The following PPP2R2B variants were observed in gnomAD, a reference collection of about 807,000 sequenced individuals.
PPP2R2B encodes serine/threonine-protein phosphatase 2A 55 kDa regulatory subunit B beta isoform.
A neutral mutation model predicts 46.0 loss-of-function variants in PPP2R2B; 5 were observed. That is an observed-to-expected ratio of 0.11 (90% CI 0.06 to 0.23). The LOEUF is 0.23. PPP2R2B is among the 10% of genes least tolerant of loss of function. PPP2R2B has a pLI of 1.00. For missense variants in PPP2R2B, 367 were observed against 575.0 expected (o/e 0.64, Z 3.70); for synonymous variants, 215 against 206.7 (o/e 1.04, Z -0.34).
intron 1 of PPP2R2B, among the ~76,000 whole-genome samples, chr5:146,996,437 T>C (rs976833024): frequency 1.6e-4 from 24 of 151,948 alleles, no homozygotes; most frequent in Non-Finnish European, 5.9e-5. Context: ...GAAATAGAAG[T>C]GGAAGAGCAA....
intron 1 of PPP2R2B, among the ~76,000 whole-genome samples, chr5:147,025,508 T>G (rs1486401784): frequency 6.6e-6 from 1 of 151,388 alleles, no homozygotes; most frequent in Non-Finnish European, 1.5e-5. Context: ...TAACCTTAAG[T>G]TAAGCAAAGA....
chr5:146,811,479 C>A (rs1251545306), intron 2 of PPP2R2B, among the ~76,000 whole-genome samples: 1 of 151,620 alleles, frequency 6.6e-6, no homozygotes, highest in Non-Finnish European at 1.5e-5. Context: ...GCACATTAAA[C>A]TTTATAGCAA....
intron 1 of PPP2R2B, among the ~76,000 whole-genome samples, chr5:146,928,129 G>A (rs1007009504): frequency 1.3e-5 from 2 of 152,154 alleles, no homozygotes; most frequent in Admixed American, 6.6e-5. Context: ...TTGGTTTCCT[G>A]AGGAACATGT....
intron 2 of PPP2R2B, among the ~76,000 whole-genome samples, chr5:146,825,400 T>C (rs1758517301): frequency 6.6e-6 from 1 of 152,220 alleles, no homozygotes; most frequent in Non-Finnish European, 1.5e-5. Context: ...CTAACAAGCT[T>C]TGATTTGTTT....
chr5:146,783,326 G>A (rs1440113504), intron 2 of PPP2R2B, among the ~76,000 whole-genome samples: 1 of 152,086 alleles, frequency 6.6e-6, no homozygotes, highest in Non-Finnish European at 1.5e-5. Context: ...TACAAATTCT[G>A]CATAAGTTAC....
chr5:146,791,886 T>C (rs1756223722), intron 2 of PPP2R2B, among the ~76,000 whole-genome samples: 1 of 152,164 alleles, frequency 6.6e-6, no homozygotes, highest in Admixed American at 6.5e-5. Context: ...ATTTGAGAGG[T>C]GCTGATTCCT....
At position 146,792,980 on chromosome 5, in the gene PPP2R2B, A is replaced by C. The variant is rs140947482; in HGVS notation, c.70+85022T>G. On this transcript the variant is annotated intron_variant, in intron 2 of 9. Coordinates refer to ENST00000394411, the MANE Select transcript of PPP2R2B (RefSeq NM_181675.4). ...AGGAATCAATATGGCTACTGTGTGG[A>C]GAAGAGATTTGGGGGTCAGTGGTAA... Among the ~76,000 whole-genome samples, 1,238 of 152,264 alleles carry C rather than the reference A, an allele frequency of 8.1e-3. 18 individuals carry two copies. The highest frequency in any genetic ancestry group is 0.028 in the African/African-American group (1,158 of 41,566).
intron 2 of PPP2R2B, among the ~76,000 whole-genome samples, chr5:146,736,395 A>G (rs1057024702): frequency 2.0e-5 from 3 of 152,190 alleles, no homozygotes; most frequent in Admixed American, 1.3e-4. Context: ...TTGCTCCTTC[A>G]GTCATCACAG....
chr5:146,902,122 A>G (rs1582391559), intron 1 of PPP2R2B, among the ~76,000 whole-genome samples: 1 of 152,170 alleles, frequency 6.6e-6, no homozygotes, highest in South Asian at 2.1e-4. Flanking sequence ...CTCCACTGGC[A>G]TCTCAGAATC....
At chr5:146,966,843 A>T (rs1752439485) in intron 1 of PPP2R2B, among the ~76,000 whole-genome samples, 2 of 152,106 alleles carry the variant, frequency 1.3e-5, no homozygotes, top group South Asian at 4.1e-4. Flanking sequence ...TACATAGATC[A>T]CCTCATTTAA....
At chr5:146,593,660 A>G (rs1258906323) in intron 8 of PPP2R2B, among the ~76,000 whole-genome samples, 2 of 152,164 alleles carry the variant, frequency 1.3e-5, no homozygotes, top group African/African-American at 4.8e-5. Flanking sequence ...GAGATGAATG[A>G]GCCACAGTGA....
At chr5:146,867,484 A>G (rs1443293124) in intron 2 of PPP2R2B, among the ~76,000 whole-genome samples, 1 of 152,208 alleles carries the variant, frequency 6.6e-6, no homozygotes, top group Non-Finnish European at 1.5e-5. Context: ...CATGGAGTAG[A>G]GAGGGAATCT....
intron 2 of PPP2R2B, among the ~76,000 whole-genome samples, chr5:146,853,366 C>T (rs1760465330): frequency 1.3e-5 from 2 of 152,220 alleles, no homozygotes; most frequent in South Asian, 4.1e-4. Flanking sequence ...AATCCATTAT[C>T]CTGCTCATCT....
At chr5:146,886,792 T>C (rs992273764) in intron 1 of PPP2R2B, among the ~76,000 whole-genome samples, 3 of 152,100 alleles carry the variant, frequency 2.0e-5, no homozygotes, top group African/African-American at 4.8e-5. Context: ...TGCATCATTT[T>C]AGATTTTTTA....
chr5:146,974,039 G>GT (rs1214238271), intron 1 of PPP2R2B, among the ~76,000 whole-genome samples: 1 of 152,140 alleles, frequency 6.6e-6, no homozygotes, highest in East Asian at 1.9e-4. Context: ...TTATTGATTT[G>GT]TTTTTTCTAG....
chr5:146,741,031 G>A (rs1327783409), intron 2 of PPP2R2B, among the ~76,000 whole-genome samples: 5 of 74,988 alleles, frequency 6.7e-5, no homozygotes, highest in African/African-American at 4.2e-5. Context: ...GCAAGACTCC[G>A]TCTCAAAAAA....
intron 1 of PPP2R2B, among the ~76,000 whole-genome samples, chr5:147,020,256 C>T (rs1755198303): frequency 6.6e-6 from 1 of 151,974 alleles, no homozygotes; most frequent in African/African-American, 2.4e-5. Flanking sequence ...TTAATGTACC[C>T]TCAGAGTTCC....
chr5:146,646,869 G>C (rs1279755027), intron 6 of PPP2R2B, among the ~76,000 whole-genome samples: 2 of 152,134 alleles, frequency 1.3e-5, no homozygotes, highest in African/African-American at 2.4e-5. Context: ...GTGTGTGTGT[G>C]TTTAATTTTC....
intron 2 of PPP2R2B, among the ~76,000 whole-genome samples, chr5:146,731,150 A>G (rs960905026): frequency 6.6e-6 from 1 of 152,206 alleles, no homozygotes; most frequent in Non-Finnish European, 1.5e-5. Context: ...CTTCTCATAA[A>G]TAAAATGTTG....
Sources: gnomAD v4.1 joint callset for allele counts (sites outside exome capture counted in the v4.1 genomes callset) on GRCh38, gnomAD v4.1.1 for gene constraint, MANE v1.5 for transcripts, NCBI Gene and HGNC (gene_info 2026-07-23, HGNC 2026-07-21) for gene names.